Variants in ADAMTS12 observed in about 807,000 individuals in gnomAD.
ADAMTS12 encodes the protein ADAM metallopeptidase with thrombospondin type 1 motif 12, also known as A disintegrin and metalloproteinase with thrombospondin motifs 12.
Under a neutral mutation model 167.8 loss-of-function variants are expected in ADAMTS12, and 118 were observed. The observed-to-expected ratio is 0.70, with a 90% CI of 0.61 to 0.82. The LOEUF (loss-of-function observed/expected upper bound fraction) is 0.82. ADAMTS12 is among the 40% of genes least tolerant of loss of function. The pLI is 0.00. For missense variants in ADAMTS12, 1,916 were observed against 1,998.8 expected (o/e 0.96, Z 0.79); for synonymous variants, 704 against 716.9 (o/e 0.98, Z 0.29).
chr5:33,642,671 T>C (rs1387504157), intron 10 of ADAMTS12, among the ~76,000 whole-genome samples: 1 of 152,226 alleles, frequency 6.6e-6, no homozygotes, highest in Non-Finnish European at 1.5e-5. Flanking sequence ...GGAAATGCTA[T>C]GTGGTTGTCG....
intron 19 of ADAMTS12, among the ~76,000 whole-genome samples, chr5:33,574,311 G>A (rs1018971433): frequency 1.8e-4 from 28 of 151,806 alleles, no homozygotes; most frequent in Admixed American, 5.3e-4. Flanking sequence ...TGTTTAGTGC[G>A]GCACTATTCA....
intron 2 of ADAMTS12, among the ~76,000 whole-genome samples, chr5:33,795,254 A>G (rs780348571): frequency 1.3e-5 from 2 of 152,222 alleles, no homozygotes; most frequent in Admixed American, 6.5e-5. Flanking sequence ...ACCTGTAAAG[A>G]GACGGGAATC....
At chr5:33,611,342 T>A (rs929554439) in intron 16 of ADAMTS12, among the ~76,000 whole-genome samples, 3 of 152,118 alleles carry the variant, frequency 2.0e-5, no homozygotes, top group African/African-American at 4.8e-5. Flanking sequence ...TGGGACTTTT[T>A]TTTTTTTTGT....
At chr5:33,627,374 T>C (rs1279790099) in intron 13 of ADAMTS12, among the ~76,000 whole-genome samples, 3 of 69,120 alleles carry the variant, frequency 4.3e-5, no homozygotes, top group African/African-American at 2.0e-4. Flanking sequence ...GTGGTGTTGA[T>C]GGTGGTGGTG....
chr5:33,856,508 G>T (rs1000299907), intron 2 of ADAMTS12, among the ~76,000 whole-genome samples: 1 of 152,066 alleles, frequency 6.6e-6, no homozygotes, highest in African/African-American at 2.4e-5. Flanking sequence ...TTTAATCCCA[G>T]CCATTTGGGA....
At position 33,724,037 on chromosome 5, in the gene ADAMTS12, C is replaced by T. The variant is rs558742582; in HGVS notation, c.634+27367G>A. 2.4e-3 allele frequency among the ~76,000 whole-genome samples: 370 copies of T among 152,316 alleles called. 3 individuals carry two copies. The highest frequency in any genetic ancestry group is 8.5e-3 in the African/African-American group (353 of 41,568). ...TGTCCTGAATATCCCAGAACAAGCA[C>T]AAGCTGGATCCAGAGTGAGCCTGTA... On this transcript the variant is annotated intron_variant, in intron 3 of 23. Transcript: ENST00000504830.
At chr5:33,810,769 G>C (rs1747428012) in intron 2 of ADAMTS12, among the ~76,000 whole-genome samples, 1 of 152,188 alleles carries the variant, frequency 6.6e-6, no homozygotes, top group South Asian at 2.1e-4. Context: ...TCAGGACTCA[G>C]AATAAAGCCA....
At chr5:33,678,781 A>G (rs1370589091) in intron 5 of ADAMTS12, among the ~76,000 whole-genome samples, 2 of 152,216 alleles carry the variant, frequency 1.3e-5, no homozygotes, top group Non-Finnish European at 2.9e-5. Context: ...TGATCAGAGT[A>G]CCATTTTCAG....
intron 20 of ADAMTS12, among the ~76,000 whole-genome samples, chr5:33,552,407 A>T (rs1347350991): frequency 6.6e-6 from 1 of 152,208 alleles, no homozygotes; most frequent in Non-Finnish European, 1.5e-5. Flanking sequence ...GATAAACTAG[A>T]TGATTAAACT....
At chr5:33,701,548 T>A (rs1250421528) in intron 3 of ADAMTS12, among the ~76,000 whole-genome samples, 1 of 152,236 alleles carries the variant, frequency 6.6e-6, no homozygotes, top group African/African-American at 2.4e-5. Flanking sequence ...CAATACGAAG[T>A]TACTCAAATC....
chr5:33,570,107 A>T (rs1746245557), intron 19 of ADAMTS12, among the ~76,000 whole-genome samples: 1 of 152,264 alleles, frequency 6.6e-6, no homozygotes, highest in Non-Finnish European at 1.5e-5. Flanking sequence ...GAAAAGACCA[A>T]ATCTGCCTCT....
At chr5:33,655,861 T>C (rs1579805041) in intron 7 of ADAMTS12, among the ~76,000 whole-genome samples, 1 of 151,964 alleles carries the variant, frequency 6.6e-6, no homozygotes, top group African/African-American at 2.4e-5. Flanking sequence ...CCTGTGTTCA[T>C]GTGTTCTCAC....
intron 3 of ADAMTS12, among the ~76,000 whole-genome samples, chr5:33,707,106 T>G (rs1164472946): frequency 6.6e-6 from 1 of 152,126 alleles, no homozygotes; most frequent in Admixed American, 6.5e-5. Flanking sequence ...TTCAGCAAAG[T>G]CTCAGGATAC....
At chr5:33,811,916 A>T (rs1747476352) in intron 2 of ADAMTS12, among the ~76,000 whole-genome samples, 1 of 152,200 alleles carries the variant, frequency 6.6e-6, no homozygotes, top group Non-Finnish European at 1.5e-5. Flanking sequence ...CCAGATTTAC[A>T]GATGAACTTG....
intron 14 of ADAMTS12, among the ~76,000 whole-genome samples, chr5:33,618,708 T>C (rs148578606): frequency 1.3e-5 from 2 of 152,344 alleles, no homozygotes. Context: ...AATCCATATC[T>C]TGAAACCCTT....
intron 3 of ADAMTS12, among the ~76,000 whole-genome samples, chr5:33,693,208 T>G (rs1439981634): frequency 6.6e-6 from 1 of 152,176 alleles, no homozygotes; most frequent in East Asian, 1.9e-4. Flanking sequence ...TTGACAAATG[T>G]TAACTTGGTG....
Position 33,658,174 on chromosome 5 carries a change from G to A in ADAMTS12, c.1190+10C>T. ...ATGGTGAGCAAACCTCCCTATCATT[G>A]GCCCTTTACCTGTGTCCTAGCTCAT... On this transcript the variant is annotated intron_variant, in intron 7 of 23. Transcript: ENST00000504830. The A allele has an allele frequency of 6.2e-7, 1 of 1,612,770 alleles. No homozygotes were observed. Among genetic ancestry groups the A allele is most frequent in the Non-Finnish European group, 8.5e-7 (1 of 1,179,130 alleles).
At chr5:33,643,154 A>C (rs1041442138) in intron 10 of ADAMTS12, among the ~76,000 whole-genome samples, 2 of 152,224 alleles carry the variant, frequency 1.3e-5, no homozygotes, top group African/African-American at 4.8e-5. Context: ...TTTACAAGTG[A>C]AGTGTGAAAC....
intron 2 of ADAMTS12, 68 bp downstream of exon 2, chr5:33,881,051 T>G: frequency 6.4e-7 from 1 of 1,562,040 alleles, no homozygotes; most frequent in Non-Finnish European, 8.6e-7. Flanking sequence ...AACCTGTTGG[T>G]AGTAGGTCTA....
Sources: gnomAD v4.1 joint callset for allele counts (sites outside exome capture counted in the v4.1 genomes callset) on GRCh38, gnomAD v4.1.1 for gene constraint, MANE v1.5 for transcripts, NCBI Gene and HGNC (gene_info 2026-07-23, HGNC 2026-07-21) for gene names.